Variants in PTPRK observed in about 807,000 individuals in gnomAD.
The protein encoded by PTPRK is receptor-type tyrosine-protein phosphatase kappa.
In PTPRK, 75 loss-of-function variants were observed where a neutral mutation model predicts 178.0. The observed-to-expected ratio is 0.42, with a 90% confidence interval of 0.35 to 0.51. The LOEUF (loss-of-function observed/expected upper bound fraction) is 0.51. Among genes scored for constraint, PTPRK ranks in the 20% least tolerant of loss-of-function variants. The pLI is 0.02. For synonymous variants in PTPRK, 637 were observed against 620.6 expected, an observed-to-expected ratio of 1.03 and a Z score of -0.39; for missense variants, 1,441 against 1,797.8, an observed-to-expected ratio of 0.80 and a Z score of 3.59.
chr6:128,251,365 C>T (rs1260993513), intron 3 of PTPRK, among the ~76,000 whole-genome samples: 1 of 152,066 alleles, frequency 6.6e-6, no homozygotes, highest in African/African-American at 2.4e-5. Flanking sequence ...ATAATCAAGC[C>T]CAAATCGATT....
At chr6:128,275,246 A>T (rs187271915) in intron 3 of PTPRK, among the ~76,000 whole-genome samples, 36 of 152,170 alleles carry the variant, frequency 2.4e-4, no homozygotes, top group Non-Finnish European at 4.3e-4. Context: ...AACTCAAAGG[A>T]TTCTGACTCA....
intron 8 of PTPRK, among the ~76,000 whole-genome samples, chr6:128,088,227 A>C (rs577976464): frequency 6.6e-6 from 1 of 152,140 alleles, no homozygotes; most frequent in African/African-American, 2.4e-5. Context: ...AAAATACAAA[A>C]GTTAGCAGGG....
chr6:128,385,491 A>G (rs1838572127), intron 2 of PTPRK, among the ~76,000 whole-genome samples: 1 of 152,168 alleles, frequency 6.6e-6, no homozygotes, highest in South Asian at 2.1e-4. Flanking sequence ...AAATAATTCA[A>G]TTTATGGGAA....
chr6:128,091,917 G>C (rs1400524223), intron 7 of PTPRK, among the ~76,000 whole-genome samples: 1 of 152,126 alleles, frequency 6.6e-6, no homozygotes, highest in Non-Finnish European at 1.5e-5. Context: ...AGACAGAGTA[G>C]CTCTGCATCC....
chr6:128,220,878 A>T (rs80242389), intron 5 of PTPRK, among the ~76,000 whole-genome samples: 5 of 152,178 alleles, frequency 3.3e-5, no homozygotes, highest in Admixed American at 3.3e-4. Context: ...CTCCAACAAG[A>T]AACATAAAAT....
In PTPRK at chr6:128,239,995, T is replaced by C. The variant is rs558077800; in HGVS notation, c.693+40A>G. The C allele has an allele frequency of 2.8e-5, 42 of 1,476,946 alleles. No homozygotes were observed. In the African/African-American group the frequency reaches 4.6e-4, roughly 16 times the overall value. The allele number at this position is 1,476,946 out of a possible 1,614,324, so 91.5% of individuals were successfully genotyped here. On this transcript the variant is annotated intron_variant, in intron 5 of 29. Transcript: ENST00000368226. ...GTCCTGTTGCAATGTTTTTAAAACA[T>C]AAAGTATACTCTTTAGCTCAGCTGC...
chr6:128,293,108 C>A (rs985628166), intron 3 of PTPRK, among the ~76,000 whole-genome samples: 1 of 151,810 alleles, frequency 6.6e-6, no homozygotes, highest in Non-Finnish European at 1.5e-5. Context: ...TTATGAAAGT[C>A]AAAGTATATA....
rs1034169500 is a variant in PTPRK at position 128,412,251 on chromosome 6, A to C, written c.101-14563T>G. On this transcript the variant is annotated intron_variant, in intron 1 of 29. Coordinates refer to ENST00000368226, the MANE Select transcript of PTPRK (RefSeq NM_002844.4). ...TGGCAGAGTGGCGACAAGCCAGGCA[A>C]TGTTCTAAGCAATCTGAACAATTCA... 3.3e-5 allele frequency among the ~76,000 whole-genome samples: 5 copies of C among 152,210 alleles called. No individual in the cohort carries two copies. The East Asian group carries it at 9.6e-4, about 29-fold the overall frequency.
chr6:128,020,880 T>C (rs1773402750), intron 13 of PTPRK, among the ~76,000 whole-genome samples: 1 of 152,152 alleles, frequency 6.6e-6, no homozygotes. Context: ...AATTCCTTAA[T>C]CTGGCATATC....
intron 13 of PTPRK, among the ~76,000 whole-genome samples, chr6:128,060,197 T>C (rs1331248236): frequency 1.3e-5 from 2 of 152,206 alleles, no homozygotes; most frequent in Non-Finnish European, 2.9e-5. Context: ...TGGGAAAAGA[T>C]GAATGTTGAA....
chr6:128,112,195 A>G (rs1790783377), intron 7 of PTPRK, among the ~76,000 whole-genome samples: 1 of 152,094 alleles, frequency 6.6e-6, no homozygotes, highest in Non-Finnish European at 1.5e-5. Flanking sequence ...TTACTATAGC[A>G]TTCTTAATGT....
chr6:128,175,567 G>T (rs917779947), intron 7 of PTPRK, among the ~76,000 whole-genome samples: 2 of 151,650 alleles, frequency 1.3e-5, no homozygotes, highest in Admixed American at 6.6e-5. Flanking sequence ...AAGGAAATGG[G>T]TTGGCATGAT....
At chr6:128,226,483 A>G (rs1022502751) in intron 5 of PTPRK, among the ~76,000 whole-genome samples, 2 of 152,028 alleles carry the variant, frequency 1.3e-5, no homozygotes, top group African/African-American at 4.8e-5. Context: ...TAATCTAGTA[A>G]ATAAGATTAT....
At chr6:128,241,516 T>G (rs10485160) in intron 4 of PTPRK, among the ~76,000 whole-genome samples, 14,581 of 152,240 alleles carry the variant, frequency 0.096, 1,536 homozygotes, top group East Asian at 0.35. Context: ...CAATGTGTTA[T>G]AGATGCTTCT....
intron 1 of PTPRK, among the ~76,000 whole-genome samples, chr6:128,473,489 C>G (rs1179304845): frequency 7.0e-6 from 1 of 142,622 alleles, no homozygotes; most frequent in Non-Finnish European, 1.5e-5. Context: ...ATATCCTGCT[C>G]TCTGTCAAAT....
intron 13 of PTPRK, among the ~76,000 whole-genome samples, chr6:128,045,200 T>C (rs1261710409): frequency 6.6e-6 from 1 of 152,070 alleles, no homozygotes; most frequent in Non-Finnish European, 1.5e-5. Flanking sequence ...CATACTTATA[T>C]TACACACACA....
intron 5 of PTPRK, among the ~76,000 whole-genome samples, chr6:128,238,766 A>G (rs1366999969): frequency 6.6e-6 from 1 of 152,212 alleles, no homozygotes; most frequent in Non-Finnish European, 1.5e-5. Context: ...TCTGTAGGAG[A>G]AATTACCATA....
chr6:128,474,307 T>C (rs1057242299), intron 1 of PTPRK, among the ~76,000 whole-genome samples: 2 of 152,020 alleles, frequency 1.3e-5, no homozygotes, highest in East Asian at 1.9e-4. Context: ...GGTTCTCATA[T>C]GAAAGAAACA....
chr6:128,319,716 T>A (rs1828522796), intron 3 of PTPRK, among the ~76,000 whole-genome samples: 1 of 152,136 alleles, frequency 6.6e-6, no homozygotes, highest in South Asian at 2.1e-4. Flanking sequence ...CAGGTATTGA[T>A]TTGACTTTGA....
Sources: gnomAD v4.1 joint callset for allele counts (sites outside exome capture counted in the v4.1 genomes callset) on GRCh38, gnomAD v4.1.1 for gene constraint, MANE v1.5 for transcripts, NCBI Gene and HGNC (gene_info 2026-07-23, HGNC 2026-07-21) for gene names.